MYO1D: variants seen among roughly 807,000 people sequenced by gnomAD.
MYO1D encodes myosin ID.
Under a neutral mutation model 122.0 loss-of-function variants are expected in MYO1D, and 83 were observed. The observed-to-expected ratio is 0.68, with a 90% CI of 0.57 to 0.82. The LOEUF (loss-of-function observed/expected upper bound fraction) is 0.82. Ranked by LOEUF, MYO1D falls within the 40% of genes least tolerant of loss-of-function variation. MYO1D has a pLI of 0.00. For missense variants in MYO1D, 1,157 were observed against 1,269.5 expected, an observed-to-expected ratio of 0.91 and a Z score of 1.35; for synonymous variants, 464 against 446.9, an observed-to-expected ratio of 1.04 and a Z score of -0.48.
At chr17:32,673,540 C>T (rs1251333490) in intron 16 of MYO1D, among the ~76,000 whole-genome samples, 1 of 152,098 alleles carries the variant, frequency 6.6e-6, no homozygotes, top group Non-Finnish European at 1.5e-5. Flanking sequence ...ACTTTGTGCT[C>T]ATAAACAAAG....
intron 16 of MYO1D, among the ~76,000 whole-genome samples, chr17:32,666,443 TAA>T (rs2088636418): frequency 6.6e-6 from 1 of 152,230 alleles, no homozygotes; most frequent in Non-Finnish European, 1.5e-5. Flanking sequence ...TTCGAGATGT[TAA>T]GAGAGTGGAT....
At chr17:32,553,560 A>AG (rs1186166770) in intron 21 of MYO1D, among the ~76,000 whole-genome samples, 6 of 152,190 alleles carry the variant, frequency 3.9e-5, no homozygotes, top group Non-Finnish European at 5.9e-5. Flanking sequence ...GGCACAATGA[A>AG]GGGCCTAGGT....
intron 21 of MYO1D, among the ~76,000 whole-genome samples, chr17:32,595,823 G>A (rs144881800): frequency 1.1e-4 from 17 of 152,316 alleles, no homozygotes; most frequent in African/African-American, 3.8e-4. Flanking sequence ...CATGTCAGGT[G>A]GAGTTGACAG....
chr17:32,659,952 A>G (rs1004024784), intron 16 of MYO1D, among the ~76,000 whole-genome samples: 1 of 152,212 alleles, frequency 6.6e-6, no homozygotes, highest in African/African-American at 2.4e-5. Flanking sequence ...TAAACGCCTC[A>G]ATGCCAACTT....
intron 16 of MYO1D, among the ~76,000 whole-genome samples, chr17:32,681,551 G>T (rs1418354827): frequency 2.6e-5 from 4 of 151,600 alleles, no homozygotes; most frequent in Non-Finnish European, 5.9e-5. Flanking sequence ...TTTCCATGTA[G>T]TTGAGCGGCT....
rs147476096 is a variant in MYO1D, at chr17:32,841,553, T to C, written c.95+35225A>G. ...CTCCCAGAGTTACCATCTGGCTGGA[T>C]TGGAGAAAAGGGCACTATTCAGATA... On this transcript the variant is annotated intron_variant, in intron 1 of 21. Coordinates refer to ENST00000318217, the MANE Select transcript of MYO1D (RefSeq NM_015194.3). 9.9e-5 allele frequency among the ~76,000 whole-genome samples: 15 copies of C among 152,020 alleles called. No homozygotes were observed. In the East Asian group the frequency reaches 2.3e-3, roughly 23 times the overall value.
At chr17:32,631,508 G>A (rs545271258) in intron 20 of MYO1D, among the ~76,000 whole-genome samples, 3 of 152,260 alleles carry the variant, frequency 2.0e-5, no homozygotes, top group Admixed American at 6.5e-5. Flanking sequence ...TTAGCCAAGA[G>A]TAGTGGCGTG....
intron 16 of MYO1D, among the ~76,000 whole-genome samples, chr17:32,685,569 T>C (rs751962920): frequency 7.2e-5 from 11 of 152,176 alleles, no homozygotes; most frequent in Admixed American, 3.3e-4. Context: ...TCCATGTCTG[T>C]AGAGGTTTTT....
rs200606916 is a variant in MYO1D at position 32,716,614 on chromosome 17, GA to G, written c.1913+4408del. Reference sequence around the variant, plus strand: ...GAGGTAATACCAAACAATGTCACATGAAAAAAAGTGAAATCAGAAACCTCTC... The same window carrying G: ...GAGGTAATACCAAACAATGTCACATGAAAAAAGTGAAATCAGAAACCTCTC... On this transcript the variant is annotated intron_variant, in intron 15 of 21. Coordinates refer to ENST00000318217, the MANE Select transcript of MYO1D (RefSeq NM_015194.3). Among the ~76,000 whole-genome samples the G allele has an allele frequency of 1.1e-3, 165 of 152,274 alleles. 3 individuals are homozygous for G. In the East Asian group the frequency reaches 0.029, roughly 27 times the overall value.
At chr17:32,873,035 G>C (rs7210492) in intron 1 of MYO1D, among the ~76,000 whole-genome samples, 88,348 of 152,076 alleles carry the variant, frequency 0.58, 25,847 homozygotes, top group Admixed American at 0.67. Context: ...GGAGAAAGTT[G>C]CATCAATTGT....
intron 1 of MYO1D, among the ~76,000 whole-genome samples, chr17:32,829,889 T>C (rs2090756293): frequency 6.6e-6 from 1 of 152,154 alleles, no homozygotes; most frequent in African/African-American, 2.4e-5. Flanking sequence ...TCCAACCCAC[T>C]CACCGCTAAT....
At chr17:32,547,500 C>T (rs955742200) in intron 21 of MYO1D, among the ~76,000 whole-genome samples, 2 of 152,210 alleles carry the variant, frequency 1.3e-5, no homozygotes, top group Admixed American at 6.5e-5. Flanking sequence ...CTTCATGTGT[C>T]CATAGGCATA....
At chr17:32,499,085 CCAGCTACTCGGGAGGCTG>C (rs1909224052) in intron 21 of MYO1D, 1 of 152,136 alleles carries the variant, frequency 6.6e-6, no homozygotes, top group Admixed American at 6.6e-5. Flanking sequence ...GCCTGTAGTT[CCAGCTACTCGGGAGGCTG>C]AGGCAGGAGA....
intron 8 of MYO1D, among the ~76,000 whole-genome samples, chr17:32,761,524 T>A (rs2090002064): frequency 6.6e-6 from 1 of 152,212 alleles, no homozygotes; most frequent in Non-Finnish European, 1.5e-5. Context: ...TGTTCCTTTT[T>A]GGTGACCTTT....
chr17:32,769,654 T>G (rs565224637), intron 6 of MYO1D, among the ~76,000 whole-genome samples: 61 of 152,206 alleles, frequency 4.0e-4, no homozygotes, highest in African/African-American at 1.3e-3. Flanking sequence ...ATTGTATGAT[T>G]CCATTTATAA....
chr17:32,710,739 A>G (rs1343313155), intron 16 of MYO1D, among the ~76,000 whole-genome samples: 1 of 152,252 alleles, frequency 6.6e-6, no homozygotes, highest in Non-Finnish European at 1.5e-5. Flanking sequence ...AATCAACAAG[A>G]AAGTACCAGC....
At chr17:32,496,522 G>A (rs1055052744) in intron 21 of MYO1D, among the ~76,000 whole-genome samples, 4 of 152,214 alleles carry the variant, frequency 2.6e-5, no homozygotes, top group Non-Finnish European at 4.4e-5. Context: ...ACTCTTGTGG[G>A]CACCAGGGCC....
At chr17:32,777,571 GC>G (rs2090187294) in intron 3 of MYO1D, among the ~76,000 whole-genome samples, 1 of 152,246 alleles carries the variant, frequency 6.6e-6, no homozygotes, top group South Asian at 2.1e-4. Flanking sequence ...TAAATGCTGG[GC>G]CCCAGACAGT....
intron 1 of MYO1D, among the ~76,000 whole-genome samples, chr17:32,870,664 T>C (rs2091170922): frequency 6.6e-6 from 1 of 151,786 alleles, no homozygotes; most frequent in Admixed American, 6.6e-5. Flanking sequence ...CAGCCAACAT[T>C]TGAGTACTCA....
Sources: gnomAD v4.1 joint callset for allele counts (sites outside exome capture counted in the v4.1 genomes callset) on GRCh38, gnomAD v4.1.1 for gene constraint, MANE v1.5 for transcripts, NCBI Gene and HGNC (gene_info 2026-07-23, HGNC 2026-07-21) for gene names.